Variants in ADGRE3 observed in about 807,000 individuals in gnomAD.
ADGRE3 encodes adhesion G protein-coupled receptor E3, also known as EGF-like module receptor 3.
Under a neutral mutation model 80.1 loss-of-function variants are expected in ADGRE3, and 88 were observed. The ratio of observed to expected loss-of-function variants is 1.10; its 90% confidence interval spans 0.93 to 1.31. ADGRE3 has a LOEUF of 1.31. ADGRE3 is among the 40% of genes most tolerant of loss of function. ADGRE3 has a pLI of 0.00. For missense variants in ADGRE3, 715 were observed against 776.5 expected (o/e 0.92, Z 0.94); for synonymous variants, 281 against 294.8 (o/e 0.95, Z 0.48).
chr19:14,658,659 A>ACAAACATC, intron 4 of ADGRE3, 109 bp from the exon 5 acceptor site: 1 of 541,108 alleles, frequency 1.8e-6, no homozygotes, highest in Non-Finnish European at 3.1e-6. Flanking sequence ...CTAGAAGGTA[A>ACAAACATC]AAGCCTGAAT....
At chr19:14,648,117 A>G (rs1306745474) in intron 7 of ADGRE3, among the ~76,000 whole-genome samples, 2 of 148,530 alleles carry the variant, frequency 1.3e-5, no homozygotes, top group African/African-American at 5.0e-5. Context: ...ATGTTTTCCT[A>G]CAAACAACCC....
chr19:14,660,153 A>T (rs1971904186), intron 4 of ADGRE3, among the ~76,000 whole-genome samples: 1 of 152,164 alleles, frequency 6.6e-6, no homozygotes, highest in Non-Finnish European at 1.5e-5. Context: ...GGTAATAACG[A>T]ACCCCAAATG....
intron 6 of ADGRE3, 77 bp from the exon 7 acceptor site, chr19:14,651,281 G>T: frequency 1.3e-6 from 2 of 1,505,316 alleles, no homozygotes; most frequent in Non-Finnish European, 1.8e-6. Context: ...AGGACATGGT[G>T]GTGCATGCCT....
At chr19:14,624,931 G>A (rs954369945) in intron 15 of ADGRE3, among the ~76,000 whole-genome samples, 1 of 151,900 alleles carries the variant, frequency 6.6e-6, no homozygotes, top group African/African-American at 2.4e-5. Context: ...GGGGACGTTG[G>A]AGGGGGGAGA....
At chr19:14,621,032 T>G (rs1455873680) in intron 15 of ADGRE3, among the ~76,000 whole-genome samples, 1 of 151,992 alleles carries the variant, frequency 6.6e-6, no homozygotes, top group Non-Finnish European at 1.5e-5. Flanking sequence ...TCAAATTTTT[T>G]TTTTGAGACA....
intron 4 of ADGRE3, among the ~76,000 whole-genome samples, chr19:14,661,261 C>T (rs955681068): frequency 1.3e-5 from 2 of 151,960 alleles, no homozygotes; most frequent in African/African-American, 4.8e-5. Flanking sequence ...ATTTTCTGTC[C>T]TGTGGTCTAG....
Position 14,641,028 on chromosome 19 carries a change from C to T in ADGRE3, c.1248+391G>A, listed in dbSNP as rs78086603. On this transcript the variant is annotated intron_variant, in intron 10 of 15. Transcript: ENST00000253673. ...TAATACAACCAATGATACTAGTAAG[C>T]CTTTATCTATCACTCATTTCCCAGA... 1.7e-3 allele frequency among the ~76,000 whole-genome samples: 254 copies of T among 152,218 alleles called. 10 individuals carry two copies. In the South Asian group the frequency reaches 0.051, roughly 30 times the overall value.
chr19:14,632,204 G>A (rs1306603548), intron 13 of ADGRE3, among the ~76,000 whole-genome samples: 1 of 152,152 alleles, frequency 6.6e-6, no homozygotes, highest in East Asian at 1.9e-4. Context: ...ATTGGCTGGG[G>A]TGGACATAGC....
downstream of ADGRE3, among the ~76,000 whole-genome samples, chr19:14,616,615 C>G (rs1370593792): frequency 6.6e-6 from 1 of 151,384 alleles, no homozygotes; most frequent in Admixed American, 6.6e-5. Context: ...AAATGTTGAC[C>G]CAGCGGTCAA....
At chr19:14,648,380 A>C (rs902877503) in intron 7 of ADGRE3, among the ~76,000 whole-genome samples, 1 of 152,108 alleles carries the variant, frequency 6.6e-6, no homozygotes, top group Non-Finnish European at 1.5e-5. Context: ...CAGCCCCCGG[A>C]GCAACCCTCC....
chr19:14,601,027 C>T, the ADGRE3 span, among the ~76,000 whole-genome samples: 282 of 150,592 alleles, frequency 1.9e-3, 1 homozygote, highest in African/African-American at 2.4e-3. Context: ...CTCAGTCTCC[C>T]GAGTAGCTGG....
At chr19:14,659,690 G>A (rs1282408031) in intron 4 of ADGRE3, among the ~76,000 whole-genome samples, 1 of 151,624 alleles carries the variant, frequency 6.6e-6, no homozygotes, top group African/African-American at 2.4e-5. Context: ...GCATGTTGGC[G>A]GGTGCCTGTA....
In ADGRE3 at chr19:14,631,167, C is replaced by T. The variant is rs1251647539; in HGVS notation, c.1644-960G>A. On this transcript the variant is annotated intron_variant, in intron 13 of 15. Transcript: ENST00000253673. Reference sequence around the variant, plus strand: ...GATTACAGGTGTGAGCCACCCCACCCGGCCGGGGTCATATAATTTGTTATT... The same window carrying T: ...GATTACAGGTGTGAGCCACCCCACCTGGCCGGGGTCATATAATTTGTTATT... Among the ~76,000 whole-genome samples, 5 of 152,082 alleles carry T rather than the reference C, an allele frequency of 3.3e-5. No homozygotes were observed. The South Asian group carries it at 6.2e-4, about 19-fold the overall frequency.
intron 7 of ADGRE3, among the ~76,000 whole-genome samples, chr19:14,650,408 G>C (rs186285744): frequency 9.5e-4 from 86 of 90,396 alleles, no homozygotes; most frequent in African/African-American, 3.6e-3. Context: ...TTCCATCGCT[G>C]TCCCCATCTC....
At chr19:14,658,024 C>T (rs1017399480) in intron 5 of ADGRE3, among the ~76,000 whole-genome samples, 1 of 152,076 alleles carries the variant, frequency 6.6e-6, no homozygotes, top group African/African-American at 2.4e-5. Flanking sequence ...CTCGGCCTCC[C>T]AAAGTGCTGG....
rs202017895 is a variant in ADGRE3 at position 14,619,500 on chromosome 19, A to T, written c.1921-29T>A. On this transcript the variant is annotated intron_variant, in intron 15 of 15. Coordinates refer to ENST00000253673, the MANE Select transcript of ADGRE3 (RefSeq NM_032571.5). ...TAAAAGAGGTTTAGATTAAAGGTGGATGTAAGGGTAAAATAAAGTAAACAG... is the reference window on the plus strand; with the variant it reads ...TAAAAGAGGTTTAGATTAAAGGTGGTTGTAAGGGTAAAATAAAGTAAACAG... The T allele has an allele frequency of 2.2e-5, 34 of 1,544,662 alleles. No homozygotes were observed. The African/African-American group carries it at 4.1e-4, about 19-fold the overall frequency.
rs142939645 is a variant in ADGRE3, at chr19:14,671,019, G to A, written c.26-2167C>T. 5.7e-3 allele frequency among the ~76,000 whole-genome samples: 864 copies of A among 152,324 alleles called. 12 individuals carry two copies. Among genetic ancestry groups the A allele is most frequent in the African/African-American group, 0.019 (801 of 41,570 alleles). On this transcript the variant is annotated intron_variant, in intron 1 of 15. Transcript: ENST00000253673. ...GATCTGACTGGAGCCTCAAAGTCCC[G>A]TAGAGAGTGGTATGTGACTTGGTCA...
the ADGRE3 span, among the ~76,000 whole-genome samples, chr19:14,600,430 A>C: frequency 3.9e-5 from 6 of 152,288 alleles, no homozygotes; most frequent in African/African-American, 1.4e-4. Context: ...TTTTATCTCT[A>C]ACATGAAAAT....
intron 4 of ADGRE3, among the ~76,000 whole-genome samples, chr19:14,659,852 AAGGAAAGTCT>A (rs1051053869): frequency 3.4e-5 from 5 of 149,168 alleles, no homozygotes; most frequent in Non-Finnish European, 5.9e-5. Flanking sequence ...AAAAAAAGAC[AAGGAAAGTCT>A]AGCAAATGTT....
Sources: allele counts gnomAD v4.1 joint callset (sites outside exome capture counted in the v4.1 genomes callset), GRCh38; gene constraint gnomAD v4.1.1; transcripts MANE v1.5; gene names NCBI Gene and HGNC (gene_info 2026-07-23, HGNC 2026-07-21).